The following CYTH1 variants were observed in gnomAD, a reference collection of about 807,000 sequenced individuals.
CYTH1 encodes the protein cytohesin-1.
CYTH1 carries 18 observed loss-of-function variants against 61.8 expected under a neutral mutation model. The ratio of observed to expected loss-of-function variants is 0.29; its 90% confidence interval spans 0.20 to 0.43. The LOEUF is 0.43. CYTH1 is among the 20% of genes least tolerant of loss of function. CYTH1 has a pLI of 1.00. For missense variants in CYTH1, 336 were observed against 510.5 expected (o/e 0.66, Z 3.29); for synonymous variants, 174 against 184.3 (o/e 0.94, Z 0.45).
At chr17:78,782,057 GCT>G in intron 1 of CYTH1, 143 bp downstream of exon 1, 2 of 682,706 alleles carry the variant, frequency 2.9e-6, no homozygotes, top group Non-Finnish European at 3.8e-6. Flanking sequence ...CCCGCGCACC[GCT>G]CGCCCGCCGG....
In CYTH1 at chr17:78,698,361, T is replaced by G; in HGVS notation, c.719A>C (p.Lys240Thr). 6.2e-7 allele frequency: 1 copy of G among 1,612,836 alleles called. No individual in the cohort carries two copies. Among genetic ancestry groups the G allele is most frequent in the Non-Finnish European group, 8.5e-7 (1 of 1,179,378 alleles). ...TTCTGGGATTTTAAAGGGTTCATTT[T>G]TTATGCTCTCATAGAGATTCTGGGA... ...ELLRNLYESIKNEPFKIPEDD... is the reference protein window; with the variant it reads ...ELLRNLYESITNEPFKIPEDD... Residue 240 changes from lysine (K) to threonine (T), a missense_variant, in exon 9 of 14, where the codon AAA becomes ACA. By Grantham distance (78) the Lys-to-Thr change is moderately conservative. Transcript: ENST00000446868.
At chr17:78,738,249 A>T (rs2093328907) in intron 1 of CYTH1, among the ~76,000 whole-genome samples, 1 of 152,146 alleles carries the variant, frequency 6.6e-6, no homozygotes, top group South Asian at 2.1e-4. Context: ...TCCTGAAAAC[A>T]TCCCATGGGG....
intron 1 of CYTH1, among the ~76,000 whole-genome samples, chr17:78,720,113 T>G (rs939432467): frequency 2.0e-5 from 3 of 151,762 alleles, no homozygotes; most frequent in Non-Finnish European, 4.4e-5. Flanking sequence ...AGTGGGAGAA[T>G]GAAGGTTTAA....
At chr17:78,708,364 C>A in intron 2 of CYTH1, 103 bp from the exon 3 acceptor site, 1 of 1,033,862 alleles carries the variant, frequency 9.7e-7, no homozygotes, top group Non-Finnish European at 1.4e-6. Flanking sequence ...CAAAATAAAG[C>A]AAAATGAAAC....
intron 1 of CYTH1, among the ~76,000 whole-genome samples, chr17:78,769,003 A>G (rs1054534441): frequency 2.0e-5 from 3 of 152,192 alleles, no homozygotes; most frequent in Non-Finnish European, 2.9e-5. Flanking sequence ...AAAACTAGCC[A>G]GGTGTGGTGG....
intron 8 of CYTH1, 124 bp from the exon 9 acceptor site, chr17:78,698,504 G>T: frequency 2.6e-6 from 2 of 775,568 alleles, no homozygotes. Flanking sequence ...TAGATGCTGA[G>T]ACTAGAAGAT....
At chr17:78,686,867 C>T (rs528701185) in intron 11 of CYTH1, among the ~76,000 whole-genome samples, 171 of 152,176 alleles carry the variant, frequency 1.1e-3, no homozygotes, top group Admixed American at 4.4e-3. Flanking sequence ...CCGCAACCTC[C>T]GCCTCCTGGG....
intron 1 of CYTH1, among the ~76,000 whole-genome samples, chr17:78,759,404 G>A (rs966682985): frequency 1.3e-5 from 2 of 152,120 alleles, no homozygotes; most frequent in African/African-American, 4.8e-5. Flanking sequence ...CCTCACTGTT[G>A]TACAGATCAG....
In CYTH1 at chr17:78,717,266, C is replaced by T. The variant is rs769853321; in HGVS notation, c.23-7534G>A. On this transcript the variant is annotated intron_variant, in intron 1 of 13. Transcript: ENST00000446868. This position sits in a 1 kb window ranked among gnomAD's most constrained non-coding sequence, Gnocchi z 4.4. Reference sequence around the variant, plus strand: ...CGCCCTGACACACCACCCGGTCGCTCGCCCTCCTCGCCCATTGCCAGAGGG... The same window carrying T: ...CGCCCTGACACACCACCCGGTCGCTTGCCCTCCTCGCCCATTGCCAGAGGG... Among the ~76,000 whole-genome samples the T allele has an allele frequency of 4.6e-5, 7 of 152,196 alleles. No individual in the cohort carries two copies. Among genetic ancestry groups the T allele is most frequent in the South Asian group, 2.1e-4 (1 of 4,830 alleles).
chr17:78,708,280 A>T lies in CYTH1; in HGVS notation c.106-19T>A. 2 of 1,602,874 alleles carry T rather than the reference A, an allele frequency of 1.2e-6. No individual in the cohort carries two copies. The highest frequency in any genetic ancestry group is 8.5e-7 in the Non-Finnish European group (1 of 1,176,246). ...TCAGCCTCTATAAAACAGACAGTCC[A>T]GAGTCAGCAGGAAAGGCAGATGCAG... On this transcript the variant is annotated intron_variant, in intron 2 of 13. Coordinates refer to ENST00000446868, the MANE Select transcript of CYTH1 (RefSeq NM_004762.6).
chr17:78,709,201 T>A (rs558235245), intron 2 of CYTH1: 10 of 160,836 alleles, frequency 6.2e-5, no homozygotes, highest in East Asian at 1.8e-4. Context: ...GTTTTCATGA[T>A]CTGACAGATG....
At chr17:78,728,185 G>C (rs548512424) in intron 1 of CYTH1, among the ~76,000 whole-genome samples, 46 of 152,216 alleles carry the variant, frequency 3.0e-4, no homozygotes, top group Non-Finnish European at 5.6e-4. Flanking sequence ...GGAAAACAAA[G>C]GGGACCTGAG....
chr17:78,757,567 A>G (rs2093406722), intron 1 of CYTH1, among the ~76,000 whole-genome samples: 1 of 152,198 alleles, frequency 6.6e-6, no homozygotes, highest in Non-Finnish European at 1.5e-5. Context: ...AGGTTCTTAG[A>G]ACAAAGTTCA....
chr17:78,730,916 G>A (rs991611714), intron 1 of CYTH1, among the ~76,000 whole-genome samples: 2 of 152,088 alleles, frequency 1.3e-5, no homozygotes, highest in South Asian at 2.1e-4. Context: ...TGCCTGCCTC[G>A]GCCTCCCAAA....
At chr17:78,714,937 G>A (rs973994439) in intron 1 of CYTH1, among the ~76,000 whole-genome samples, 4 of 151,986 alleles carry the variant, frequency 2.6e-5, no homozygotes, top group South Asian at 2.1e-4. Flanking sequence ...AAAGAATACG[G>A]CCTTGCAAAT....
chr17:78,728,078 A>C (rs1299207202), intron 1 of CYTH1: 3 of 163,010 alleles, frequency 1.8e-5, no homozygotes, highest in African/African-American at 7.2e-5. Flanking sequence ...TTCTCTGGAC[A>C]AACTCTATTC....
intron 13 of CYTH1, chr17:78,676,875 C>T (rs533948593): frequency 5.0e-6 from 2 of 397,974 alleles, no homozygotes; most frequent in Non-Finnish European, 1.0e-5. Flanking sequence ...TCTCGACTTT[C>T]AAGCAACTTA....
rs2093195784 is a variant in CYTH1 at position 78,717,944 on chromosome 17, C to T, written c.23-8212G>A. On this transcript the variant is annotated intron_variant, in intron 1 of 13. Coordinates refer to ENST00000446868, the MANE Select transcript of CYTH1 (RefSeq NM_004762.6). The surrounding 1 kb of genome is among the most constrained non-coding windows in gnomAD (Gnocchi z 4.4). Reference sequence around the variant, plus strand: ...TCCACTATAATGATTAACCAGCATCCTTCTTACAGCCTCTGCCTTTCAATG... The same window carrying T: ...TCCACTATAATGATTAACCAGCATCTTTCTTACAGCCTCTGCCTTTCAATG... 6.6e-6 allele frequency among the ~76,000 whole-genome samples: 1 copy of T among 152,170 alleles called. No individual in the cohort carries two copies. Among genetic ancestry groups the T allele is most frequent in the Non-Finnish European group, 1.5e-5 (1 of 68,036 alleles).
At chr17:78,777,987 T>C (rs1396603551) in intron 1 of CYTH1, among the ~76,000 whole-genome samples, 1 of 151,978 alleles carries the variant, frequency 6.6e-6, no homozygotes, top group Non-Finnish European at 1.5e-5. Flanking sequence ...AAGAAATGTT[T>C]CTCATTATTC....
Sources: allele counts gnomAD v4.1 joint callset (sites outside exome capture counted in the v4.1 genomes callset), GRCh38; gene constraint gnomAD v4.1.1; non-coding constraint Gnocchi (gnomAD v3.1); transcripts MANE v1.5; gene names NCBI Gene and HGNC (gene_info 2026-07-23, HGNC 2026-07-21).